RAB38: variants seen among roughly 807,000 people sequenced by gnomAD.
The protein encoded by RAB38 is RAB38, member RAS oncogene family.
In RAB38, 15 loss-of-function variants were observed where a neutral mutation model predicts 18.4. The ratio of observed to expected loss-of-function variants is 0.82; its 90% CI spans 0.55 to 1.26. The LOEUF is 1.26. Among genes scored for constraint, RAB38 ranks in the 50% most tolerant of loss-of-function variants. The pLI, the probability that RAB38 is intolerant of heterozygous loss-of-function variation, is 0.00. For synonymous variants in RAB38, 101 were observed against 104.4 expected (o/e 0.97, Z 0.20); for missense variants, 294 against 267.4 (o/e 1.10, Z -0.69).
At chr11:88,066,116 CAGA>C in the RAB38 span, among the ~76,000 whole-genome samples, 21 of 152,172 alleles carry the variant, frequency 1.4e-4, no homozygotes, top group Non-Finnish European at 2.8e-4. Flanking sequence ...TGCTTTGTAA[CAGA>C]AGGTTAGATA....
chr11:88,010,377 T>C, the RAB38 span, among the ~76,000 whole-genome samples: 1,141 of 152,292 alleles, frequency 7.5e-3, 17 homozygotes, highest in African/African-American at 0.026. Flanking sequence ...GAAAGAGAAG[T>C]TCAAGGTGAT....
the RAB38 span, among the ~76,000 whole-genome samples, chr11:87,893,394 T>A: frequency 0.11 from 497 of 4,350 alleles, 2 homozygotes; most frequent in African/African-American, 0.23. Flanking sequence ...ATATATATTT[T>A]TTTTTTACAT....
chr11:87,958,263 C>T, the RAB38 span, among the ~76,000 whole-genome samples: 1 of 152,144 alleles, frequency 6.6e-6, no homozygotes, highest in Admixed American at 6.6e-5. Flanking sequence ...GTAGGCTCGG[C>T]TAAGCTACAA....
At chr11:87,819,752 GTGTATGTA>G in the RAB38 span, among the ~76,000 whole-genome samples, 9 of 5,492 alleles carry the variant, frequency 1.6e-3, no homozygotes, top group South Asian at 0.053. Flanking sequence ...ATATATATAC[GTGTATGTA>G]TATATATGTG....
chr11:87,820,202 C>G, the RAB38 span, among the ~76,000 whole-genome samples: 6 of 152,094 alleles, frequency 3.9e-5, no homozygotes, highest in Non-Finnish European at 8.8e-5. Flanking sequence ...GCTTGCATTT[C>G]GGTTTTCATG....
At chr11:88,044,597 C>T in the RAB38 span, among the ~76,000 whole-genome samples, 2 of 152,170 alleles carry the variant, frequency 1.3e-5, no homozygotes, top group African/African-American at 4.8e-5. Flanking sequence ...TTCCATCCTA[C>T]AAGATCTAGA....
At chr11:87,939,692 T>C in the RAB38 span, among the ~76,000 whole-genome samples, 1 of 151,666 alleles carries the variant, frequency 6.6e-6, no homozygotes, top group Non-Finnish European at 1.5e-5. Context: ...ACCCCCTCTG[T>C]ACCAACAAGA....
chr11:88,083,001 T>C, the RAB38 span, among the ~76,000 whole-genome samples: 6 of 151,896 alleles, frequency 4.0e-5, no homozygotes, highest in African/African-American at 1.4e-4. Context: ...TAGTTTAATC[T>C]CCTTTAGTAA....
the RAB38 span, among the ~76,000 whole-genome samples, chr11:88,071,920 A>C: frequency 6.6e-6 from 1 of 152,228 alleles, no homozygotes; most frequent in African/African-American, 2.4e-5. Flanking sequence ...CCTGGCTAGA[A>C]TCATTCAACC....
At chr11:87,966,033 G>T in the RAB38 span, among the ~76,000 whole-genome samples, 1 of 152,148 alleles carries the variant, frequency 6.6e-6, no homozygotes, top group Non-Finnish European at 1.5e-5. Context: ...TAGACATCAA[G>T]CCCAGGAAAG....
chr11:87,923,974 A>ACC, the RAB38 span, among the ~76,000 whole-genome samples: 1 of 148,258 alleles, frequency 6.7e-6, no homozygotes, highest in South Asian at 2.1e-4. Flanking sequence ...AAAAAAAAAA[A>ACC]CACATTTCTA....
chr11:88,103,238 TATG>T, the RAB38 span, among the ~76,000 whole-genome samples: 1 of 152,096 alleles, frequency 6.6e-6, no homozygotes, highest in Non-Finnish European at 1.5e-5. Context: ...CTCTGAGACA[TATG>T]ATAACTTAAA....
the RAB38 span, among the ~76,000 whole-genome samples, chr11:88,099,228 A>G: frequency 6.6e-6 from 1 of 151,984 alleles, no homozygotes; most frequent in Non-Finnish European, 1.5e-5. Flanking sequence ...CTGATTATGT[A>G]TAATATGTAA....
chr11:88,038,983 CTTTTAT>C, the RAB38 span, among the ~76,000 whole-genome samples: 2 of 152,000 alleles, frequency 1.3e-5, no homozygotes, highest in South Asian at 4.1e-4. Context: ...CCTGGCTTTC[CTTTTAT>C]AAGTAGAGTA....
At chr11:87,907,736 A>G in the RAB38 span, among the ~76,000 whole-genome samples, 6 of 151,654 alleles carry the variant, frequency 4.0e-5, no homozygotes, top group African/African-American at 1.4e-4. Flanking sequence ...ATTGCTAGTC[A>G]TTTGTTGAAT....
chr11:88,168,442 G>C, intron 1 of RAB38, among the ~76,000 whole-genome samples: 1 of 152,098 alleles, frequency 6.6e-6, no homozygotes, highest in South Asian at 2.1e-4. Context: ...TAAGTCCCCT[G>C]GTTGACTTTC....
chr11:87,828,519 T>C, the RAB38 span, among the ~76,000 whole-genome samples: 1 of 152,146 alleles, frequency 6.6e-6, no homozygotes, highest in Non-Finnish European at 1.5e-5. Flanking sequence ...GCAATTATGA[T>C]AGGAAAGCAG....
At chr11:88,056,815 A>G in the RAB38 span, among the ~76,000 whole-genome samples, 9 of 104,866 alleles carry the variant, frequency 8.6e-5, no homozygotes, top group Non-Finnish European at 2.1e-4. Context: ...ATAAATAAAT[A>G]AATAAATAAA....
chr11:87,900,753 G>GGA, the RAB38 span, among the ~76,000 whole-genome samples: 1 of 150,446 alleles, frequency 6.6e-6, no homozygotes, highest in Non-Finnish European at 1.5e-5. Context: ...AGGGAAGAAG[G>GGA]AAGATGGAGG....
Sources: allele counts gnomAD v4.1 joint callset (sites outside exome capture counted in the v4.1 genomes callset), GRCh38; gene constraint gnomAD v4.1.1; transcripts MANE v1.5; gene names NCBI Gene and HGNC (gene_info 2026-07-23, HGNC 2026-07-21).